The following TTN variants were observed in gnomAD, a reference collection of about 807,000 sequenced individuals.
The protein encoded by TTN is titin.
TTN carries 1,525 observed loss-of-function variants against 3,223.0 expected under a neutral mutation model. The observed-to-expected ratio is 0.47, with a 90% confidence interval of 0.45 to 0.49. The LOEUF (loss-of-function observed/expected upper bound fraction) is 0.49. TTN is among the 20% of genes least tolerant of loss of function. TTN has a pLI of 0.00. For missense variants in TTN, 40,786 were observed against 43,424.0 expected (o/e 0.94, Z 5.40); for synonymous variants, 14,094 against 15,161.0 (o/e 0.93, Z 5.17).
At chr2:178,736,385 A>G (rs902697290) in intron 49 of TTN, among the ~76,000 whole-genome samples, 1 of 152,210 alleles carries the variant, frequency 6.6e-6, no homozygotes, top group Admixed American at 6.5e-5. Flanking sequence ...TAAGCTATTG[A>G]GCTGATACTT....
Position 178,545,823 on chromosome 2 carries a change from A to G in TTN, c.95413T>C (p.Phe31805Leu), listed in dbSNP as rs537065526. 6.2e-7 allele frequency: 1 copy of G among 1,612,744 alleles called. No individual in the cohort carries two copies. The highest frequency in any genetic ancestry group is 8.5e-7 in the Non-Finnish European group (1 of 1,179,014). The change falls in exon 343 of 363, where the codon TTC becomes CTC. Residue 31805 changes from phenylalanine (F) to leucine (L), a missense_variant. By Grantham distance (22) the Phe-to-Leu change is conservative. Coordinates refer to ENST00000589042, the MANE Select transcript of TTN (RefSeq NM_001267550.2). The part of the protein sequence containing the change: ...ESEPIVARNS[F>L]TIPSPPGIPE... ...ATTTAAAAGTGTTAATACTTACTGA[A>G]TGAGTTTCTGGCTACAATTGGCTCT...
Position 178,618,309 on chromosome 2 carries a change from T to C in TTN, c.47149A>G (p.Thr15717Ala), listed in dbSNP as rs1249764555. Residue 15717 changes from threonine (T) to alanine (A), a missense_variant, in exon 252 of 363, where the codon ACT (threonine) becomes GCT (alanine). By Grantham distance (58) the Thr-to-Ala change is moderately conservative. Coordinates refer to ENST00000589042, the MANE Select transcript of TTN (RefSeq NM_001267550.2). ...ATDRAESCEFTVTGLQKGGVE... is the reference protein window; with the variant it reads ...ATDRAESCEFAVTGLQKGGVE... Reference sequence around the variant, plus strand: ...CCTCCTTTCTGTAGACCAGTGACAGTAAACTCACAACTCTCTGCACGGTCT... The same window carrying C: ...CCTCCTTTCTGTAGACCAGTGACAGCAAACTCACAACTCTCTGCACGGTCT... 1.2e-6 allele frequency: 2 copies of C among 1,612,618 alleles called. No homozygotes were observed. The highest frequency in any genetic ancestry group is 3.3e-5 in the Admixed American group (2 of 59,888).
At position 178,634,402 on chromosome 2, in the gene TTN, C is replaced by G; in HGVS notation, c.42379G>C (p.Glu14127Gln). 1 of 1,611,084 alleles carries G rather than the reference C, an allele frequency of 6.2e-7. No homozygotes were observed. Among genetic ancestry groups the G allele is most frequent in the Middle Eastern group, 1.7e-4 (1 of 6,040 alleles). ...DDEGVYTAEV[E>Q]GKKTSARLFV... ...AACCGAGCTGAGGTCTTCTTGCCCT[C>G]CACCTCAGCAGTATAGACCCCTTCA... The change falls in exon 230 of 363, where the codon GAG becomes CAG. Residue 14127 changes from glutamate (E) to glutamine (Q), a missense_variant. Glu to Gln is a conservative substitution (Grantham distance 29). Transcript: ENST00000589042. The surrounding 1 kb of genome is among the most constrained non-coding windows in gnomAD (Gnocchi z 4.6).
In TTN at chr2:178,543,629, T is replaced by A; in HGVS notation, c.96344A>T (p.Lys32115Met). The A allele has an allele frequency of 6.2e-7, 1 of 1,600,204 alleles. No individual in the cohort carries two copies. Among genetic ancestry groups the A allele is most frequent in the Non-Finnish European group, 8.5e-7 (1 of 1,177,360 alleles). Reference sequence around the variant, plus strand: ...AGTCACAGAATCTCTTGATACTTCCTTAACTTTCACTGAAGGACAGGGACC... The same window carrying A: ...AGTCACAGAATCTCTTGATACTTCCATAACTTTCACTGAAGGACAGGGACC... ...TPGPCPSVKV[K>M]EVSRDSVTIT... is the part of the protein sequence containing the mutation. Residue 32115 changes from lysine (K) to methionine (M), a missense_variant, in exon 347 of 363, where the codon AAG becomes ATG. Coordinates refer to ENST00000589042, the MANE Select transcript of TTN (RefSeq NM_001267550.2).
intron 169 of TTN, 41 bp from the exon 170 acceptor site, chr2:178,663,943 G>T (rs1225248134): frequency 2.5e-6 from 4 of 1,611,746 alleles, no homozygotes; most frequent in Non-Finnish European, 3.4e-6. Context: ...GTGTTATGAA[G>T]ACCGCTAGAA....
At chr2:178,678,579 G>A (rs2068626522) in intron 143 of TTN, 82 bp from the exon 144 acceptor site, 1 of 1,242,012 alleles carries the variant, frequency 8.1e-7, no homozygotes, top group Non-Finnish European at 1.1e-6. Flanking sequence ...ATTAAGATAA[G>A]GTAATAAAAG....
At chr2:178,583,546 G>T in intron 312 of TTN, 61 bp downstream of exon 312, 1 of 1,427,112 alleles carries the variant, frequency 7.0e-7, no homozygotes, top group South Asian at 1.7e-5. Flanking sequence ...TTTTTTATTA[G>T]GAAAAATGAC....
rs1186406232 is a variant in TTN, at chr2:178,550,027, G to A, written c.91811C>T (p.Ala30604Val). ...RGVYTVEAKN[A>V]SGSAKAEIKV... ...AATTTCTGCTTTTGCAGAACCAGAT[G>A]CATTTTTGGCTTCCACTGTGTATAC... Residue 30604 changes from alanine (A) to valine (V), a missense_variant, in exon 337 of 363, where the codon GCA becomes GTA. Physicochemically the swap from Ala to Val is moderately conservative, Grantham distance 64 (BLOSUM62 0). Transcript: ENST00000589042. The A allele has an allele frequency of 1.2e-6, 2 of 1,611,090 alleles. No homozygotes were observed. Among genetic ancestry groups the A allele is most frequent in the African/African-American group, 1.3e-5 (1 of 74,832 alleles).
In TTN at chr2:178,612,484, A is replaced by T. The variant is rs771522078; in HGVS notation, c.50041T>A (p.Ser16681Thr). The T allele has an allele frequency of 6.2e-7, 1 of 1,611,012 alleles. No homozygotes were observed. The highest frequency in any genetic ancestry group is 8.5e-7 in the Non-Finnish European group (1 of 1,178,818). ...KWTVPEKDGG[S>T]PITNYIVEKR... ...TCCACAATGTAGTTGGTGATGGGGG[A>T]CCCTCCATCTTTCTCAGGAACTGTC... The change falls in exon 266 of 363, where the codon TCC becomes ACC. Residue 16681 changes from serine to threonine, a missense_variant. Ser to Thr is a moderately conservative substitution (Grantham distance 58, BLOSUM62 1). Transcript: ENST00000589042.
chr2:178,557,720 T>C lies in TTN; in HGVS notation c.87634A>G (p.Ile29212Val). 1 of 1,613,958 alleles carries C rather than the reference T, an allele frequency of 6.2e-7. No individual in the cohort carries two copies. The highest frequency in any genetic ancestry group is 8.5e-7 in the Non-Finnish European group (1 of 1,179,852). The change falls in exon 328 of 363, where the codon ATC becomes GTC. Residue 29212 changes from isoleucine to valine, a missense_variant. By Grantham distance (29) the Ile-to-Val change is conservative (BLOSUM62 3). Transcript: ENST00000589042. ...LTTGEEYQFR[I>V]KAENRFGISD... ...ATGCCAAAGCGGTTTTCTGCCTTGA[T>C]GCGGAATTGGTATTCTTCTCCTGTG...
In TTN at chr2:178,726,057, C is replaced by T. The variant is rs567693576; in HGVS notation, c.20276-11G>A. 18 of 1,499,150 alleles carry T rather than the reference C, an allele frequency of 1.2e-5. No homozygotes were observed. In the Admixed American group the frequency reaches 3.8e-4, roughly 31 times the overall value. The allele number at this position is 1,499,150 out of a possible 1,614,324, so 92.9% of individuals were successfully genotyped here. ...TAAAAACAGGTGGCTCTGCAAAAAA[C>T]AAGAATTTCTCATGAATTGGGCTAC... is the stretch of plus-strand genomic sequence containing the variant. On this transcript the variant is annotated splice_polypyrimidine_tract_variant and intron_variant, in intron 69 of 362. Coordinates refer to ENST00000589042, the MANE Select transcript of TTN (RefSeq NM_001267550.2).
chr2:178,548,812 T>C lies in TTN; in HGVS notation c.92814A>G (p.Arg30938=), dbSNP rs752977354. ...TGAAGAGGCGAATACTGGCCCCAGC[T>C]CTAACAACATGAGTCTGTTTGAAGT... ...DANFKQTHVV[R]AGASIRLFIA... Residue 30938 remains arginine, a synonymous_variant, in exon 339 of 363, where the codon AGA becomes AGG. Coordinates refer to ENST00000589042, the MANE Select transcript of TTN (RefSeq NM_001267550.2). The surrounding 1 kb of genome is among the most constrained non-coding windows in gnomAD (Gnocchi z 4.3). The C allele has an allele frequency of 5.0e-6, 8 of 1,612,774 alleles. No homozygotes were observed. The highest frequency in any genetic ancestry group is 6.8e-6 in the Non-Finnish European group (8 of 1,179,802).
chr2:178,741,930 G>A lies in TTN; in HGVS notation c.11312-9C>T. 1 of 1,443,782 alleles carries A rather than the reference G, an allele frequency of 6.9e-7. No homozygotes were observed. The highest frequency in any genetic ancestry group is 9.1e-7 in the Non-Finnish European group (1 of 1,098,654). The allele number at this position is 1,443,782 out of a possible 1,614,324, so 89.4% of individuals were successfully genotyped here. A position where few individuals can be genotyped will look rare whatever the true frequency, so the allele number is the denominator to read the frequency against. ...AAAAGAACTAGAAAACTCTGTATGGGGAAAAATGATTATTATTTTACTATA... is the reference window on the plus strand; with the variant it reads ...AAAAGAACTAGAAAACTCTGTATGGAGAAAAATGATTATTATTTTACTATA... On this transcript the variant is annotated splice_polypyrimidine_tract_variant and intron_variant, in intron 47 of 362. Coordinates refer to ENST00000589042, the MANE Select transcript of TTN (RefSeq NM_001267550.2).
Position 178,732,461 on chromosome 2 carries a change from T to C in TTN, c.16600A>G (p.Ser5534Gly). ...VSNVAGGVEC[S>G]ANLFVKEPAT... ...AAACCTTTTACAAACAAGTTTGCAC[T>C]GCATTCCACCCCTCCAGCGACATTG... The change falls in exon 56 of 363, where the codon AGT (serine) becomes GGT (glycine). Residue 5534 changes from serine (S) to glycine (G), a missense_variant. Ser to Gly is a moderately conservative substitution (Grantham distance 56). Coordinates refer to ENST00000589042, the MANE Select transcript of TTN (RefSeq NM_001267550.2). 6.2e-7 allele frequency: 1 copy of C among 1,609,080 alleles called. No homozygotes were observed. Among genetic ancestry groups the C allele is most frequent in the African/African-American group, 1.3e-5 (1 of 74,786 alleles).
Position 178,528,962 on chromosome 2 carries a change from A to G in TTN, c.106789T>C (p.Ser35597Pro). 2 of 1,613,988 alleles carry G rather than the reference A, an allele frequency of 1.2e-6. No homozygotes were observed. The highest frequency in any genetic ancestry group is 1.7e-6 in the Non-Finnish European group (2 of 1,179,882). The change falls in exon 360 of 363, where the codon TCA (serine) becomes CCA (proline). Residue 35597 changes from serine to proline, a missense_variant. Ser to Pro is a moderately conservative substitution (Grantham distance 74). Transcript: ENST00000589042. ...GTTCTGACTTCTTCTGATGCCTGTGATGTTTTAGTGATTTCCTCATGGACA... is the reference window on the plus strand; with the variant it reads ...GTTCTGACTTCTTCTGATGCCTGTGGTGTTTTAGTGATTTCCTCATGGACA... ...SIVHEEITKT[S>P]QASEEVRTHA... is the part of the protein sequence containing the mutation.
Position 178,530,304 on chromosome 2 carries a change from A to T in TTN, c.106311T>A (p.Ala35437=), listed in dbSNP as rs781451007. The change falls in exon 358 of 363, where the codon GCT becomes GCA. Residue 35437 remains alanine, a synonymous_variant. Coordinates refer to ENST00000589042, the MANE Select transcript of TTN (RefSeq NM_001267550.2). The part of the protein sequence containing the change: ...QDTTVSSDSV[A]KFAVKATGEP... ...CTCCAGTAGCCTTAACTGCAAATTT[A>T]GCAACACTGTCTGAAGAAACAGTTG... is the stretch of plus-strand genomic sequence containing the variant. 3 of 1,613,714 alleles carry T rather than the reference A, an allele frequency of 1.9e-6. No individual in the cohort carries two copies. The highest frequency in any genetic ancestry group is 2.5e-6 in the Non-Finnish European group (3 of 1,179,652).
chr2:178,767,607 C>T, intron 40 of TTN, 152 bp downstream of exon 40: 2 of 1,066,712 alleles, frequency 1.9e-6, no homozygotes, highest in Non-Finnish European at 2.7e-6. Context: ...AAATTGAGGT[C>T]AGCATAAGAG....
chr2:178,707,090 G>T, intron 100 of TTN, 136 bp from the exon 101 acceptor site: 1 of 731,454 alleles, frequency 1.4e-6, no homozygotes, highest in Non-Finnish European at 2.1e-6. Flanking sequence ...ATGTAAGGGT[G>T]GGTTACAGAA....
At chr2:178,671,582 T>C (rs950789621) in intron 155 of TTN, among the ~76,000 whole-genome samples, 8 of 151,806 alleles carry the variant, frequency 5.3e-5, no homozygotes, top group Admixed American at 3.9e-4. Flanking sequence ...TTGTGAACAG[T>C]TGACTAAAAT....
Sources: allele counts gnomAD v4.1 joint callset (sites outside exome capture counted in the v4.1 genomes callset), GRCh38; gene constraint gnomAD v4.1.1; non-coding constraint Gnocchi (gnomAD v3.1); transcripts MANE v1.5; gene names NCBI Gene and HGNC (gene_info 2026-07-23, HGNC 2026-07-21).